Variants in ATXN7L1 observed in about 807,000 individuals in gnomAD.
The protein encoded by ATXN7L1 is ataxin-7-like protein 1.
In ATXN7L1, 15 loss-of-function variants were observed where a neutral mutation model predicts 70.8. The observed-to-expected ratio is 0.21, with a 90% CI of 0.14 to 0.33. ATXN7L1 has a LOEUF of 0.33. Among genes scored for constraint, ATXN7L1 ranks in the 10% least tolerant of loss-of-function variants. The pLI is 1.00. For synonymous variants in ATXN7L1, 440 were observed against 445.1 expected (o/e 0.99, Z 0.14); for missense variants, 975 against 1,097.1 (o/e 0.89, Z 1.57).
intron 7 of ATXN7L1, among the ~76,000 whole-genome samples, chr7:105,637,321 C>T (rs1475028079): frequency 6.6e-6 from 1 of 152,216 alleles, no homozygotes; most frequent in African/African-American, 2.4e-5. Flanking sequence ...AATCAACTCC[C>T]TCCCCTTCTT....
intron 2 of ATXN7L1, among the ~76,000 whole-genome samples, chr7:105,830,054 A>T (rs1271948803): frequency 2.0e-5 from 3 of 152,136 alleles, no homozygotes; most frequent in Non-Finnish European, 4.4e-5. Flanking sequence ...GGTAGATGTT[A>T]CCCCATCCCC....
At chr7:105,636,054 C>T (rs1584433900) in intron 7 of ATXN7L1, among the ~76,000 whole-genome samples, 1 of 152,062 alleles carries the variant, frequency 6.6e-6, no homozygotes. Flanking sequence ...AAGAGCTCAC[C>T]CCTGAGTTTT....
At chr7:105,715,200 G>A (rs988868799) in intron 3 of ATXN7L1, among the ~76,000 whole-genome samples, 4 of 152,168 alleles carry the variant, frequency 2.6e-5, no homozygotes, top group Non-Finnish European at 4.4e-5. Context: ...TCACGTGTGG[G>A]CTCAAAACCA....
chr7:105,840,616 C>A (rs954200246), intron 2 of ATXN7L1, among the ~76,000 whole-genome samples: 2 of 152,190 alleles, frequency 1.3e-5, no homozygotes, highest in African/African-American at 4.8e-5. Flanking sequence ...TACTGCCCCC[C>A]AGAGCTTACA....
chr7:105,716,599 G>C (rs1584813252), intron 3 of ATXN7L1, among the ~76,000 whole-genome samples: 2 of 150,172 alleles, frequency 1.3e-5, no homozygotes, highest in East Asian at 3.9e-4. Flanking sequence ...GGAGACCTAG[G>C]TGGGCAGATG....
Position 105,856,768 on chromosome 7 carries a change from T to C in ATXN7L1, c.250+19044A>G, listed in dbSNP as rs148427217. Among the ~76,000 whole-genome samples the C allele has an allele frequency of 3.3e-5, 5 of 152,140 alleles. No individual in the cohort carries two copies. The East Asian group carries it at 9.6e-4, about 29-fold the overall frequency. ...ATTCTAATAGAAAAGAACTTACAAA[T>C]TAATTGGTCAGCAGCACCCAAAAAG... On this transcript the variant is annotated intron_variant, in intron 2 of 11. Coordinates refer to ENST00000419735, the MANE Select transcript of ATXN7L1 (RefSeq NM_020725.2).
At chr7:105,846,901 A>T (rs1165258036) in intron 2 of ATXN7L1, among the ~76,000 whole-genome samples, 2 of 152,226 alleles carry the variant, frequency 1.3e-5, no homozygotes, top group African/African-American at 4.8e-5. Context: ...AAATGTTCAG[A>T]ACTGGGCAAT....
intron 9 of ATXN7L1, among the ~76,000 whole-genome samples, chr7:105,616,891 T>A (rs1793977572): frequency 6.6e-6 from 1 of 152,204 alleles, no homozygotes; most frequent in African/African-American, 2.4e-5. Context: ...TTGACTCAAG[T>A]TTGCTTACAC....
chr7:105,730,498 C>T lies in ATXN7L1; in HGVS notation c.355+58106G>A, dbSNP rs142576413. 2.2e-3 allele frequency among the ~76,000 whole-genome samples: 333 copies of T among 151,996 alleles called. 1 individual carries two copies. The highest frequency in any genetic ancestry group is 7.0e-3 in the East Asian group (36 of 5,158). ...CTGTAATCCCAGCACTTTGGGAGGC[C>T]GAGGCAAGTGGATCACATGGTCAGG... On this transcript the variant is annotated intron_variant, in intron 3 of 11. Coordinates refer to ENST00000419735, the MANE Select transcript of ATXN7L1 (RefSeq NM_020725.2).
At chr7:105,622,365 G>A (rs903864099) in intron 8 of ATXN7L1, among the ~76,000 whole-genome samples, 3 of 152,320 alleles carry the variant, frequency 2.0e-5, no homozygotes, top group Middle Eastern at 3.4e-3. Flanking sequence ...TGGAGGCACC[G>A]TTTTGTCTTT....
chr7:105,715,522 A>G (rs1794433569), intron 3 of ATXN7L1, among the ~76,000 whole-genome samples: 1 of 152,272 alleles, frequency 6.6e-6, no homozygotes, highest in Non-Finnish European at 1.5e-5. Flanking sequence ...TTTCAAAAAG[A>G]AAGAGGCAGC....
chr7:105,738,728 G>C (rs1797687928), intron 3 of ATXN7L1, among the ~76,000 whole-genome samples: 1 of 152,164 alleles, frequency 6.6e-6, no homozygotes, highest in Non-Finnish European at 1.5e-5. Context: ...CTCTCAGCAG[G>C]CATGAGCTAT....
At chr7:105,639,913 T>C (rs1388497937) in intron 5 of ATXN7L1, among the ~76,000 whole-genome samples, 1 of 152,166 alleles carries the variant, frequency 6.6e-6, no homozygotes, top group African/African-American at 2.4e-5. Flanking sequence ...TTATTTTACT[T>C]GCAATGGTTC....
intron 3 of ATXN7L1, among the ~76,000 whole-genome samples, chr7:105,754,443 G>A (rs758332046): frequency 6.6e-6 from 1 of 151,434 alleles, no homozygotes; most frequent in Non-Finnish European, 1.5e-5. Context: ...TGCTGCCCAG[G>A]CTGAAGTAAA....
At chr7:105,873,561 G>C (rs1206350198) in intron 2 of ATXN7L1, among the ~76,000 whole-genome samples, 1 of 152,182 alleles carries the variant, frequency 6.6e-6, no homozygotes, top group African/African-American at 2.4e-5. Flanking sequence ...TATCTATAAA[G>C]AAAACTGCAT....
intron 3 of ATXN7L1, among the ~76,000 whole-genome samples, chr7:105,692,444 CCCTT>C (rs1483524884): frequency 0.02 from 1,775 of 88,030 alleles, 58 homozygotes; most frequent in African/African-American, 0.06. Context: ...CTCCCTCCCT[CCCTT>C]CCTTCCTTCT....
intron 2 of ATXN7L1, among the ~76,000 whole-genome samples, chr7:105,862,397 C>T (rs1207091273): frequency 2.0e-5 from 3 of 152,190 alleles, no homozygotes. Flanking sequence ...TATGATTGTA[C>T]TACTGCACTC....
At position 105,648,325 on chromosome 7, in the gene ATXN7L1, C is replaced by G. The variant is rs114696416; in HGVS notation, c.579-5204G>C. Among the ~76,000 whole-genome samples the G allele has an allele frequency of 6.6e-3, 1,010 of 152,272 alleles. 11 individuals are homozygous for G. The highest frequency in any genetic ancestry group is 0.023 in the African/African-American group (935 of 41,546). ...GCTTTGGGCTTTCTCTCTAAGGGAA[C>G]CTGCCTTGGCCTGGACTGAGAAGAC... is the stretch of plus-strand genomic sequence containing the variant. On this transcript the variant is annotated intron_variant, in intron 4 of 11. Coordinates refer to ENST00000419735, the MANE Select transcript of ATXN7L1 (RefSeq NM_020725.2).
intron 3 of ATXN7L1, among the ~76,000 whole-genome samples, chr7:105,731,187 G>A (rs1796490963): frequency 1.3e-5 from 2 of 152,122 alleles, no homozygotes; most frequent in Admixed American, 1.3e-4. Context: ...AGGTGTATAT[G>A]ACACATAAAT....
Sources: allele counts gnomAD v4.1 joint callset (sites outside exome capture counted in the v4.1 genomes callset), GRCh38; gene constraint gnomAD v4.1.1; transcripts MANE v1.5; gene names NCBI Gene and HGNC (gene_info 2026-07-23, HGNC 2026-07-21).